FBXW7: variants seen among roughly 807,000 people sequenced by gnomAD.
FBXW7 encodes the protein F-box/WD repeat-containing protein 7.
FBXW7 carries 11 observed loss-of-function variants against 86.3 expected under a neutral mutation model. That is an observed-to-expected ratio of 0.13 (90% confidence interval 0.08 to 0.21). The LOEUF is 0.21. FBXW7 is among the 10% of genes least tolerant of loss of function. The pLI is 1.00. For synonymous variants in FBXW7, 313 were observed against 297.9 expected (o/e 1.05, Z -0.52); for missense variants, 488 against 847.4 (o/e 0.58, Z 5.27).
At chr4:152,378,868 C>T (rs973840818) in intron 4 of FBXW7, among the ~76,000 whole-genome samples, 9 of 151,710 alleles carry the variant, frequency 5.9e-5, no homozygotes, top group Admixed American at 4.6e-4. Context: ...TAGCCAGATG[C>T]GGTGGCATGC....
At chr4:152,361,022 T>C (rs553676867) in intron 4 of FBXW7, among the ~76,000 whole-genome samples, 48 of 152,116 alleles carry the variant, frequency 3.2e-4, no homozygotes, top group African/African-American at 1.1e-3. Context: ...TTTAAAACTC[T>C]AGTTATGAAT....
In FBXW7 at chr4:152,484,096, C is replaced by T. The variant is rs192033136; in HGVS notation, c.-120+50845G>A. Among the ~76,000 whole-genome samples the T allele has an allele frequency of 5.3e-3, 801 of 152,252 alleles. 30 individuals carry two copies. The highest frequency in any genetic ancestry group is 0.046 in the Admixed American group (699 of 15,284). ...TGGTTTTTCATTCTGAAAAATAGCT[C>T]TCTCTTCATTTGTTTGATCCTAGAA... On this transcript the variant is annotated intron_variant, in intron 2 of 13. Coordinates refer to ENST00000281708, the MANE Select transcript of FBXW7 (RefSeq NM_001349798.2).
intron 2 of FBXW7, among the ~76,000 whole-genome samples, chr4:152,508,447 T>G (rs979686172): frequency 6.6e-6 from 1 of 151,928 alleles, no homozygotes; most frequent in Non-Finnish European, 1.5e-5. Context: ...TCCCAACACC[T>G]TGGGAGGCCA....
rs1216217331 is a variant in FBXW7 at position 152,535,597 on chromosome 4, G to T, written c.-683C>A. The T allele has an allele frequency of 2.5e-6, 1 of 396,988 alleles. No individual in the cohort carries two copies. 24.6% of individuals were successfully genotyped at this position (396,988 alleles called of 1,614,324 possible). A position where few individuals can be genotyped will look rare whatever the true frequency, so the allele number is the denominator to read the frequency against. ...TGGCCGAGTCGGCGGCAAGGCGAGGGACCCGGCCGGCTCCGCTCGGCGCCG... is the reference window on the plus strand; with the variant it reads ...TGGCCGAGTCGGCGGCAAGGCGAGGTACCCGGCCGGCTCCGCTCGGCGCCG... On this transcript the variant is annotated 5_prime_UTR_variant, in exon 1 of 14. Coordinates refer to ENST00000281708, the MANE Select transcript of FBXW7 (RefSeq NM_001349798.2).
At chr4:152,423,507 A>C (rs1462602414) in intron 2 of FBXW7, among the ~76,000 whole-genome samples, 1 of 152,226 alleles carries the variant, frequency 6.6e-6, no homozygotes, top group African/African-American at 2.4e-5. Flanking sequence ...TTCCCAAATA[A>C]TATACAACAG....
intron 2 of FBXW7, among the ~76,000 whole-genome samples, chr4:152,518,276 A>G (rs1748693716): frequency 6.6e-6 from 1 of 152,124 alleles, no homozygotes; most frequent in Non-Finnish European, 1.5e-5. Flanking sequence ...GCCATGAGCC[A>G]CTGCACCCAG....
chr4:152,388,390 A>C (rs1471137235), intron 4 of FBXW7, among the ~76,000 whole-genome samples: 1 of 152,174 alleles, frequency 6.6e-6, no homozygotes, highest in East Asian at 1.9e-4. Flanking sequence ...AAAGCATTGC[A>C]TGTACATGCC....
intron 5 of FBXW7, 99 bp from the exon 6 acceptor site, chr4:152,347,170 G>T: frequency 1.0e-6 from 1 of 992,856 alleles, no homozygotes; most frequent in Non-Finnish European, 1.5e-6. Context: ...CTAGTACAAA[G>T]AATGATGATC....
chr4:152,353,165 C>T (rs1191459030), intron 4 of FBXW7, among the ~76,000 whole-genome samples: 3 of 152,104 alleles, frequency 2.0e-5, no homozygotes, highest in Non-Finnish European at 4.4e-5. Flanking sequence ...CATACGGTCC[C>T]CCTGAACTGA....
chr4:152,439,815 A>G (rs1391392600), intron 2 of FBXW7, among the ~76,000 whole-genome samples: 1 of 150,950 alleles, frequency 6.6e-6, no homozygotes, highest in Non-Finnish European at 1.5e-5. Context: ...GCAGTGAGCC[A>G]AGATCGTGCC....
chr4:152,419,926 A>C (rs546401130), intron 2 of FBXW7, among the ~76,000 whole-genome samples: 1 of 152,266 alleles, frequency 6.6e-6, no homozygotes, highest in Non-Finnish European at 1.5e-5. Flanking sequence ...TCTTATCTTG[A>C]TATTGATGGC....
At chr4:152,488,815 A>C (rs1357031056) in intron 2 of FBXW7, among the ~76,000 whole-genome samples, 1 of 152,066 alleles carries the variant, frequency 6.6e-6, no homozygotes, top group Non-Finnish European at 1.5e-5. Flanking sequence ...TCTCAAAAAG[A>C]AAAGCATAAA....
At chr4:152,494,471 A>T (rs987286148) in intron 2 of FBXW7, among the ~76,000 whole-genome samples, 6 of 152,092 alleles carry the variant, frequency 3.9e-5, no homozygotes, top group African/African-American at 1.4e-4. Flanking sequence ...TGAATTTATA[A>T]TTTTTTTTAA....
intron 4 of FBXW7, among the ~76,000 whole-genome samples, chr4:152,358,648 T>C (rs1732628140): frequency 6.6e-6 from 1 of 152,190 alleles, no homozygotes; most frequent in Admixed American, 6.5e-5. Flanking sequence ...AAAACCTGGA[T>C]TTAAGCGCAA....
chr4:152,428,302 GAGA>G (rs1170316409), intron 2 of FBXW7, among the ~76,000 whole-genome samples: 7 of 152,082 alleles, frequency 4.6e-5, no homozygotes, highest in Non-Finnish European at 1.0e-4. Context: ...AAATTTCAAG[GAGA>G]AGATTTCAAC....
chr4:152,326,924 T>G (rs899260305), intron 11 of FBXW7, among the ~76,000 whole-genome samples: 1 of 152,090 alleles, frequency 6.6e-6, no homozygotes, highest in African/African-American at 2.4e-5. Context: ...TATTAAGAGA[T>G]AAAGATTTTA....
intron 4 of FBXW7, among the ~76,000 whole-genome samples, chr4:152,369,589 T>C (rs984123788): frequency 2.6e-5 from 4 of 152,166 alleles, no homozygotes; most frequent in South Asian, 4.1e-4. Flanking sequence ...CTTAACCATT[T>C]TGACACGAAA....
intron 2 of FBXW7, among the ~76,000 whole-genome samples, chr4:152,519,679 G>C (rs79706768): frequency 0.016 from 2,437 of 152,264 alleles, 77 homozygotes; most frequent in African/African-American, 0.056. Context: ...CAATTATTTT[G>C]TATAATGACA....
At chr4:152,435,438 G>GT (rs1740299018) in intron 2 of FBXW7, among the ~76,000 whole-genome samples, 1 of 152,116 alleles carries the variant, frequency 6.6e-6, no homozygotes, top group African/African-American at 2.4e-5. Flanking sequence ...TCATTGCTTT[G>GT]TATTATCAGG....
Sources: gnomAD v4.1 joint callset for allele counts (sites outside exome capture counted in the v4.1 genomes callset) on GRCh38, gnomAD v4.1.1 for gene constraint, MANE v1.5 for transcripts, NCBI Gene and HGNC (gene_info 2026-07-23, HGNC 2026-07-21) for gene names.